The following FBXL17 variants were observed in gnomAD, a reference collection of about 807,000 sequenced individuals.
FBXL17 encodes the protein F-box and leucine rich repeat protein 17.
Under a neutral mutation model 66.2 loss-of-function variants are expected in FBXL17, and 22 were observed. That is an observed-to-expected ratio of 0.33 (90% CI 0.24 to 0.47). The LOEUF is 0.47. Ranked by LOEUF, FBXL17 falls within the 20% of genes least tolerant of loss-of-function variation. The pLI is 1.00. For synonymous variants in FBXL17, 474 were observed against 400.5 expected (o/e 1.18, Z -2.19); for missense variants, 878 against 948.2 (o/e 0.93, Z 0.97).
intron 4 of FBXL17, among the ~76,000 whole-genome samples, chr5:108,346,491 G>C (rs1747289938): frequency 6.6e-6 from 1 of 151,982 alleles, no homozygotes; most frequent in African/African-American, 2.4e-5. Context: ...TTGTTTGATT[G>C]CCAATAAAAC....
intron 6 of FBXL17, among the ~76,000 whole-genome samples, chr5:108,067,239 G>A (rs1364768428): frequency 6.6e-6 from 1 of 151,996 alleles, no homozygotes; most frequent in Non-Finnish European, 1.5e-5. Flanking sequence ...GGTATTATCT[G>A]AGACATGTAA....
chr5:108,381,844 G>A lies in FBXL17; in HGVS notation c.-153C>T, dbSNP rs1749985271. 5 of 1,298,492 alleles carry A rather than the reference G, an allele frequency of 3.9e-6. No homozygotes were observed. Among genetic ancestry groups the A allele is most frequent in the Non-Finnish European group, 4.9e-6 (5 of 1,023,930 alleles). The allele number at this position is 1,298,492 out of a possible 1,614,324, so 80.4% of individuals were successfully genotyped here. On this transcript the variant is annotated 5_prime_UTR_variant, in exon 1 of 9. Transcript: ENST00000542267. The stretch of plus-strand genomic sequence containing the variant: ...CGCACACACGGGCACACACGCGACG[G>A]TGGGGGGTGGGCGTCAGCTGCGGGC...
At chr5:108,106,618 T>C (rs1486629656) in intron 6 of FBXL17, among the ~76,000 whole-genome samples, 1 of 152,234 alleles carries the variant, frequency 6.6e-6, no homozygotes, top group African/African-American at 2.4e-5. Flanking sequence ...GAAAACATTG[T>C]ATTACATGAA....
intron 5 of FBXL17, among the ~76,000 whole-genome samples, chr5:108,213,226 G>A (rs945219747): frequency 2.0e-5 from 3 of 152,122 alleles, no homozygotes; most frequent in Admixed American, 6.5e-5. Flanking sequence ...AGTTTGCTGG[G>A]CTCCATGGGA....
intron 4 of FBXL17, among the ~76,000 whole-genome samples, chr5:108,231,805 T>A (rs1180011161): frequency 2.0e-5 from 3 of 152,068 alleles, no homozygotes; most frequent in Admixed American, 6.5e-5. Flanking sequence ...ACACAGGAGA[T>A]CCATACAGGA....
chr5:108,123,254 A>G (rs1295712200), intron 6 of FBXL17, among the ~76,000 whole-genome samples: 1 of 151,924 alleles, frequency 6.6e-6, no homozygotes, highest in Non-Finnish European at 1.5e-5. Flanking sequence ...TCTATTTTCA[A>G]TACAGTTTTA....
At chr5:108,085,127 C>T (rs1027177401) in intron 6 of FBXL17, among the ~76,000 whole-genome samples, 1 of 152,198 alleles carries the variant, frequency 6.6e-6, no homozygotes, top group Non-Finnish European at 1.5e-5. Context: ...ATTTTGATTA[C>T]ATAGTCTTGC....
intron 7 of FBXL17, among the ~76,000 whole-genome samples, chr5:107,980,115 G>T (rs1224937889): frequency 6.6e-6 from 1 of 152,048 alleles, no homozygotes; most frequent in Non-Finnish European, 1.5e-5. Context: ...ACCTTAAACT[G>T]CATTATCAGA....
chr5:108,008,813 G>A (rs1258164211), intron 7 of FBXL17, among the ~76,000 whole-genome samples: 1 of 151,956 alleles, frequency 6.6e-6, no homozygotes, highest in Non-Finnish European at 1.5e-5. Flanking sequence ...GGCTGACTTC[G>A]GAGAGATTTC....
Position 108,009,280 on chromosome 5 carries a change from T to G in FBXL17, c.1822+11645A>C, listed in dbSNP as rs1452656041. Among the ~76,000 whole-genome samples, 166 of 22,706 alleles carry G rather than the reference T, an allele frequency of 7.3e-3. 40 individuals are homozygous for G. Among genetic ancestry groups the G allele is most frequent in the African/African-American group, 0.021 (134 of 6,358 alleles). The allele number at this position is 22,706 out of a possible 152,430, so 14.9% of individuals were successfully genotyped here. A position where few individuals can be genotyped will look rare whatever the true frequency, so the allele number is the denominator to read the frequency against. On this transcript the variant is annotated intron_variant, in intron 7 of 8. Transcript: ENST00000542267. ...CCTGTTTTATATATATATATATATA[T>G]ATATATATATATATATATATACATA... is the stretch of plus-strand genomic sequence containing the variant.
chr5:107,879,874 A>G, intron 8 of FBXL17: 12 of 985,480 alleles, frequency 1.2e-5, no homozygotes, highest in Non-Finnish European at 1.4e-5. Context: ...GGGTTGTGCC[A>G]GCAGCACTGG....
chr5:108,146,000 C>T (rs1001518823), intron 6 of FBXL17, among the ~76,000 whole-genome samples: 1 of 151,846 alleles, frequency 6.6e-6, no homozygotes. Flanking sequence ...GGGCGGATCA[C>T]GAGGTCAGGA....
intron 4 of FBXL17, among the ~76,000 whole-genome samples, chr5:108,319,829 C>G (rs1196214771): frequency 1.3e-5 from 2 of 151,488 alleles, no homozygotes; most frequent in Admixed American, 1.3e-4. Flanking sequence ...TAGATACCAC[C>G]AAAAAGTCAG....
rs1282345385 is a variant in FBXL17, at chr5:108,209,502, G to C, written c.1614+14619C>G. 4.6e-5 allele frequency among the ~76,000 whole-genome samples: 7 copies of C among 152,038 alleles called. No homozygotes were observed. In the South Asian group the frequency reaches 1.5e-3, roughly 32 times the overall value. ...ATGTTCCATCGATACCTAGTTTTTT[G>C]AAAGTTTTTAACATGAAGGGGTGTT... On this transcript the variant is annotated intron_variant, in intron 5 of 8. Transcript: ENST00000542267.
At chr5:108,098,638 G>A (rs529108006) in intron 6 of FBXL17, among the ~76,000 whole-genome samples, 8 of 151,596 alleles carry the variant, frequency 5.3e-5, no homozygotes, top group East Asian at 3.9e-4. Flanking sequence ...CCAGCTACTC[G>A]GGAGGCTGAG....
chr5:108,145,169 G>C (rs1751506618), intron 6 of FBXL17, among the ~76,000 whole-genome samples: 1 of 152,096 alleles, frequency 6.6e-6, no homozygotes, highest in African/African-American at 2.4e-5. Context: ...ATGATGGATT[G>C]AGGAATATAA....
intron 7 of FBXL17, among the ~76,000 whole-genome samples, chr5:107,915,075 G>T (rs1405061563): frequency 6.6e-6 from 1 of 152,070 alleles, no homozygotes; most frequent in Non-Finnish European, 1.5e-5. Flanking sequence ...TTTGTATAAA[G>T]AAAATCTACT....
chr5:108,213,584 C>T lies in FBXL17; in HGVS notation c.1614+10537G>A, dbSNP rs184955519. Among the ~76,000 whole-genome samples the T allele has an allele frequency of 3.5e-3, 534 of 152,258 alleles. 3 individuals carry two copies. Among genetic ancestry groups the T allele is most frequent in the African/African-American group, 0.012 (511 of 41,540 alleles). On this transcript the variant is annotated intron_variant, in intron 5 of 8. Coordinates refer to ENST00000542267, the MANE Select transcript of FBXL17 (RefSeq NM_001163315.3). ...GCGCTTCCTGGGTGAGGCAATGCCC[C>T]ACCCTGCTTCAGCTTGCCCTCCATG... is the stretch of plus-strand genomic sequence containing the variant.
chr5:107,949,847 G>A (rs1355948073), intron 7 of FBXL17, among the ~76,000 whole-genome samples: 1 of 152,176 alleles, frequency 6.6e-6, no homozygotes, highest in African/African-American at 2.4e-5. Flanking sequence ...TGTCCAACAG[G>A]AAGTAGCTGA....
Sources: allele counts gnomAD v4.1 joint callset (sites outside exome capture counted in the v4.1 genomes callset), GRCh38; gene constraint gnomAD v4.1.1; transcripts MANE v1.5; gene names NCBI Gene and HGNC (gene_info 2026-07-23, HGNC 2026-07-21).